Variants in SIPA1L1 observed in about 807,000 individuals in gnomAD.
The protein encoded by SIPA1L1 is signal induced proliferation associated 1 like 1, also known as signal-induced proliferation-associated 1-like protein 1.
In SIPA1L1, 26 loss-of-function variants were observed where a neutral mutation model predicts 162.7. The ratio of observed to expected loss-of-function variants is 0.16; its 90% confidence interval spans 0.12 to 0.22. SIPA1L1 has a LOEUF of 0.22. SIPA1L1 is among the 10% of genes least tolerant of loss of function. The probability of loss-of-function intolerance (pLI) is 1.00; values close to 1 mark genes in which losing one functional copy is unlikely to be tolerated. For synonymous variants in SIPA1L1, 829 were observed against 837.4 expected (o/e 0.99, Z 0.17); for missense variants, 1,874 against 2,241.0 (o/e 0.84, Z 3.31).
intron 7 of SIPA1L1, among the ~76,000 whole-genome samples, chr14:71,630,869 T>TTA (rs910701626): frequency 2.6e-5 from 4 of 151,136 alleles, no homozygotes; most frequent in Non-Finnish European, 4.4e-5. Flanking sequence ...CTTTTATATA[T>TTA]TATATATATA....
chr14:71,638,932 C>T (rs1463880620), intron 7 of SIPA1L1, among the ~76,000 whole-genome samples: 1 of 152,120 alleles, frequency 6.6e-6, no homozygotes, highest in African/African-American at 2.4e-5. Flanking sequence ...AACATGATAG[C>T]CTGTGCCTAT....
chr14:71,379,820 T>G (rs2039740611), intron 2 of SIPA1L1, among the ~76,000 whole-genome samples: 1 of 152,258 alleles, frequency 6.6e-6, no homozygotes, highest in Non-Finnish European at 1.5e-5. Context: ...TGTGCTTCGT[T>G]TGGTAGACAT....
At chr14:71,710,122 G>C (rs1316662206) in intron 17 of SIPA1L1, among the ~76,000 whole-genome samples, 3 of 152,196 alleles carry the variant, frequency 2.0e-5, no homozygotes, top group Non-Finnish European at 4.4e-5. Context: ...CTCTCAAGCC[G>C]AGAACCTCAC....
At chr14:71,417,547 G>A (rs181403439) in intron 2 of SIPA1L1, among the ~76,000 whole-genome samples, 198 of 144,712 alleles carry the variant, frequency 1.4e-3, no homozygotes, top group Non-Finnish European at 2.2e-3. Flanking sequence ...TTCATTAATG[G>A]AAGTGGATCA....
chr14:71,358,476 C>T (rs2037488821), intron 2 of SIPA1L1, among the ~76,000 whole-genome samples: 1 of 152,198 alleles, frequency 6.6e-6, no homozygotes, highest in Non-Finnish European at 1.5e-5. Context: ...AAACTTCAGT[C>T]TGGCTCACTT....
chr14:71,486,876 A>ATT (rs1406884288), intron 2 of SIPA1L1, among the ~76,000 whole-genome samples: 12 of 152,194 alleles, frequency 7.9e-5, no homozygotes, highest in African/African-American at 2.9e-4. Flanking sequence ...ACAAATTAAT[A>ATT]AATTTTTTCA....
intron 2 of SIPA1L1, among the ~76,000 whole-genome samples, chr14:71,457,175 G>A (rs1189046897): frequency 6.6e-6 from 1 of 152,118 alleles, no homozygotes; most frequent in African/African-American, 2.4e-5. Context: ...ATAGTCTTCT[G>A]CTCTCCTTGT....
At chr14:71,449,761 T>C (rs1023797051) in intron 2 of SIPA1L1, among the ~76,000 whole-genome samples, 29 of 152,302 alleles carry the variant, frequency 1.9e-4, no homozygotes, top group Admixed American at 5.2e-4. Flanking sequence ...ATTAATGTTA[T>C]TATGAATTCT....
At chr14:71,488,193 C>T (rs1423581677) in intron 2 of SIPA1L1, among the ~76,000 whole-genome samples, 3 of 152,140 alleles carry the variant, frequency 2.0e-5, no homozygotes, top group African/African-American at 7.2e-5. Context: ...TGAGAGAAGG[C>T]AGACCTTGTT....
At chr14:71,452,616 C>T (rs977915835) in intron 2 of SIPA1L1, among the ~76,000 whole-genome samples, 10 of 152,154 alleles carry the variant, frequency 6.6e-5, no homozygotes, top group African/African-American at 2.2e-4. Flanking sequence ...CAAAGCAAAG[C>T]CTTCTACTAA....
chr14:71,668,507 A>G (rs1235517719), intron 10 of SIPA1L1, among the ~76,000 whole-genome samples: 1 of 152,226 alleles, frequency 6.6e-6, no homozygotes, highest in Non-Finnish European at 1.5e-5. Context: ...GTGTACCCAA[A>G]GATTTTGGAG....
intron 2 of SIPA1L1, among the ~76,000 whole-genome samples, chr14:71,502,072 C>CTTT (rs578226783): frequency 7.5e-6 from 1 of 133,448 alleles, no homozygotes; most frequent in Non-Finnish European, 1.6e-5. Flanking sequence ...TTGAACATAG[C>CTTT]TTTTTTTTTT....
At chr14:71,406,602 T>G (rs983480902) in intron 2 of SIPA1L1, among the ~76,000 whole-genome samples, 4 of 152,216 alleles carry the variant, frequency 2.6e-5, no homozygotes, top group African/African-American at 9.7e-5. Flanking sequence ...GGGATTTATT[T>G]TTTAATAAGC....
At chr14:71,495,394 T>C (rs116088000) in intron 2 of SIPA1L1, among the ~76,000 whole-genome samples, 3,599 of 151,672 alleles carry the variant, frequency 0.024, 139 homozygotes, top group African/African-American at 0.082. Flanking sequence ...ATTTGTCTAA[T>C]TTGATGGCAT....
rs982858538 is a variant in SIPA1L1 at position 71,598,169 on chromosome 14, G to A, written c.1498+8799G>A. 2.1e-5 allele frequency: 21 copies of A among 979,056 alleles called. No individual in the cohort carries two copies. The African/African-American group carries it at 3.3e-4, about 16-fold the overall frequency. The allele number at this position is 979,056 out of a possible 1,614,324, so 60.6% of individuals were successfully genotyped here. A position where few individuals can be genotyped will look rare whatever the true frequency, so the allele number is the denominator to read the frequency against. ...AGACAGGTCTGTGTGTGGTCATGGT[G>A]GTTACCAAGACCACCAATTGATCCC... On this transcript the variant is annotated intron_variant, in intron 5 of 23. Transcript: ENST00000381232.
At chr14:71,479,821 T>A (rs1166876639) in intron 2 of SIPA1L1, among the ~76,000 whole-genome samples, 1 of 151,732 alleles carries the variant, frequency 6.6e-6, no homozygotes, top group Admixed American at 6.6e-5. Context: ...TGACCTCCCA[T>A]ACTAAAGGTA....
At chr14:71,559,264 C>A (rs917525545) in intron 4 of SIPA1L1, among the ~76,000 whole-genome samples, 35 of 151,958 alleles carry the variant, frequency 2.3e-4, no homozygotes, top group African/African-American at 8.5e-4. Context: ...GAGGTGGTTT[C>A]GCCATGTTGG....
rs1301949184 is a variant in SIPA1L1 at position 71,419,643 on chromosome 14, G to T, written c.-464-93100G>T. Reference sequence around the variant, plus strand: ...CTCCCGAGTAGCTGGGACTACAGGTGCCCGCCACCACGCCCGGCTAATTTT... The same window carrying T: ...CTCCCGAGTAGCTGGGACTACAGGTTCCCGCCACCACGCCCGGCTAATTTT... On this transcript the variant is annotated intron_variant, in intron 2 of 23. Coordinates refer to ENST00000381232, the MANE Select transcript of SIPA1L1 (RefSeq NM_001386936.1). Among the ~76,000 whole-genome samples, 10 of 151,690 alleles carry T rather than the reference G, an allele frequency of 6.6e-5. No homozygotes were observed. The East Asian group carries it at 1.9e-3, about 30-fold the overall frequency.
intron 4 of SIPA1L1, among the ~76,000 whole-genome samples, chr14:71,529,760 C>T (rs931718744): frequency 1.3e-5 from 2 of 152,244 alleles, no homozygotes; most frequent in Non-Finnish European, 2.9e-5. Context: ...ACTCTGGCTA[C>T]ATCAGTGAGT....
Sources: allele counts gnomAD v4.1 joint callset (sites outside exome capture counted in the v4.1 genomes callset), GRCh38; gene constraint gnomAD v4.1.1; transcripts MANE v1.5; gene names NCBI Gene and HGNC (gene_info 2026-07-23, HGNC 2026-07-21).